COL4A2: variants seen among roughly 807,000 people sequenced by gnomAD.
COL4A2 encodes the protein collagen type IV alpha 2 chain, also known as collagen alpha-2(IV) chain.
COL4A2 carries 99 observed loss-of-function variants against 200.2 expected under a neutral mutation model. The observed-to-expected ratio is 0.49, with a 90% CI of 0.42 to 0.58. The LOEUF is 0.58. COL4A2 is among the 20% of genes least tolerant of loss of function. COL4A2 has a pLI of 0.00. For missense variants in COL4A2, 1,950 were observed against 2,314.1 expected (o/e 0.84, Z 3.23); for synonymous variants, 897 against 900.6 (o/e 1.00, Z 0.07).
rs1303216642 is a variant in COL4A2, at chr13:110,436,387, C to G, written c.825+20C>G. 2 of 1,604,550 alleles carry G rather than the reference C, an allele frequency of 1.2e-6. No homozygotes were observed. Among genetic ancestry groups the G allele is most frequent in the Non-Finnish European group, 1.7e-6 (2 of 1,175,142 alleles). On this transcript the variant is annotated intron_variant, in intron 13 of 47. Transcript: ENST00000360467. ...TACAAGGTAAAGAGCAAAATTGACT[C>G]TTTTCATAGTTGAAATAAAAAAAGG...
At chr13:110,381,172 C>T (rs1878474563) in intron 4 of COL4A2, among the ~76,000 whole-genome samples, 1 of 151,726 alleles carries the variant, frequency 6.6e-6, no homozygotes, top group African/African-American at 2.4e-5. Flanking sequence ...TCCACGGGCT[C>T]TATCTCACAT....
At chr13:110,375,055 A>G (rs544441628) in intron 4 of COL4A2, among the ~76,000 whole-genome samples, 6 of 152,324 alleles carry the variant, frequency 3.9e-5, no homozygotes, top group Non-Finnish European at 8.8e-5. Context: ...AATAAGGCAC[A>G]TAGAAGACAT....
Position 110,504,388 on chromosome 13 carries a change from C to T in COL4A2, c.4402+124C>T. The T allele has an allele frequency of 5.5e-6, 4 of 728,176 alleles. No individual in the cohort carries two copies. The South Asian group carries it at 6.7e-5, about 12-fold the overall frequency. 45.1% of individuals were successfully genotyped at this position (728,176 alleles called of 1,614,324 possible). A position where few individuals can be genotyped will look rare whatever the true frequency, so the allele number is the denominator to read the frequency against. ...AGCCAGAAATGAGGCGCTGCCCCAC[C>T]CTCCTGCTCCTAATCTGGGCGTAGC... On this transcript the variant is annotated intron_variant, in intron 45 of 47. Coordinates refer to ENST00000360467, the MANE Select transcript of COL4A2 (RefSeq NM_001846.4).
chr13:110,381,244 C>T (rs1385838082), intron 4 of COL4A2, among the ~76,000 whole-genome samples: 1 of 151,344 alleles, frequency 6.6e-6, no homozygotes, highest in Non-Finnish European at 1.5e-5. Context: ...GTCTCACACC[C>T]ATGGGCTCTA....
Position 110,477,197 on chromosome 13 carries a change from A to G in COL4A2, c.2426-806A>G, listed in dbSNP as rs540159780. On this transcript the variant is annotated intron_variant, in intron 29 of 47. Transcript: ENST00000360467. Reference sequence around the variant, plus strand: ...AACCCTGTCTCCATTTAAAAAAGAAAGAAAGAAAGAAAAGATATGAGCAAA... The same window carrying G: ...AACCCTGTCTCCATTTAAAAAAGAAGGAAAGAAAGAAAAGATATGAGCAAA... 5.3e-5 allele frequency among the ~76,000 whole-genome samples: 8 copies of G among 152,346 alleles called. No homozygotes were observed. The East Asian group carries it at 1.2e-3, about 22-fold the overall frequency.
At chr13:110,371,489 A>G (rs1014907271) in intron 4 of COL4A2, among the ~76,000 whole-genome samples, 13 of 152,220 alleles carry the variant, frequency 8.5e-5, no homozygotes, top group African/African-American at 1.9e-4. Context: ...AGTGCTCAAC[A>G]TAGGATTTTA....
At chr13:110,449,656 T>C (rs1242366284) in intron 18 of COL4A2, 23 bp from the exon 19 acceptor site, 2 of 1,531,908 alleles carry the variant, frequency 1.3e-6, no homozygotes, top group East Asian at 4.9e-5. Flanking sequence ...TTGTTCTTAC[T>C]GTGGGACTTG....
chr13:110,394,785 A>G (rs1879128756), intron 4 of COL4A2, among the ~76,000 whole-genome samples: 1 of 152,152 alleles, frequency 6.6e-6, no homozygotes, highest in Non-Finnish European at 1.5e-5. Context: ...CATGTAATAC[A>G]TCAAAACATA....
At chr13:110,442,282 G>A (rs9521762) in intron 16 of COL4A2, among the ~76,000 whole-genome samples, 52,493 of 151,980 alleles carry the variant, frequency 0.35, 9,558 homozygotes, top group Non-Finnish European at 0.42. Context: ...AACAACTTGC[G>A]AAGATGCAGA....
At chr13:110,456,677 G>A in intron 20 of COL4A2, 1 of 441,948 alleles carries the variant, frequency 2.3e-6, no homozygotes, top group Non-Finnish European at 4.7e-6. Context: ...GGGAGGCTTG[G>A]CTGAAAGCCA....
chr13:110,370,311 TG>T (rs1877946828), intron 4 of COL4A2, among the ~76,000 whole-genome samples: 1 of 152,186 alleles, frequency 6.6e-6, no homozygotes, highest in African/African-American at 2.4e-5. Context: ...TCTCCCAGGC[TG>T]GAGTGCAATG....
chr13:110,343,322 A>G (rs1876546092), intron 3 of COL4A2, among the ~76,000 whole-genome samples: 1 of 152,160 alleles, frequency 6.6e-6, no homozygotes, highest in South Asian at 2.1e-4. Context: ...TGGCCCCAGG[A>G]GTAGGCGTCT....
In COL4A2 at chr13:110,398,277, A is replaced by G. The variant is rs542406229; in HGVS notation, c.181-26457A>G. ...ATAAAATACATGTTTATTATGAGGA[A>G]AACTCAACTGCCTATAGAAATGACA... On this transcript the variant is annotated intron_variant, in intron 4 of 47. Coordinates refer to ENST00000360467, the MANE Select transcript of COL4A2 (RefSeq NM_001846.4). Among the ~76,000 whole-genome samples the G allele has an allele frequency of 1.5e-3, 223 of 152,318 alleles. 1 individual carries two copies. The highest frequency in any genetic ancestry group is 5.1e-3 in the African/African-American group (213 of 41,574).
rs9515229 is a variant in COL4A2, at chr13:110,469,370, A to G, written c.2203+46A>G. 906,092 of 1,534,760 alleles carry G rather than the reference A, an allele frequency of 0.59. 273,067 individuals are homozygous for G. The highest frequency in any genetic ancestry group is 0.7 in the African/African-American group (51,137 of 72,670). On this transcript the variant is annotated intron_variant, in intron 28 of 47. Coordinates refer to ENST00000360467, the MANE Select transcript of COL4A2 (RefSeq NM_001846.4). ...CATTCAGCCCCTGGGTTCCAGCGGG[A>G]ACCTGTGTGTGATTCATAAGCATCC...
intron 3 of COL4A2, among the ~76,000 whole-genome samples, chr13:110,317,018 A>G (rs773199059): frequency 5.3e-5 from 8 of 151,950 alleles, no homozygotes; most frequent in Non-Finnish European, 1.2e-4. Flanking sequence ...ACACACACAG[A>G]CACACAGATG....
intron 4 of COL4A2, among the ~76,000 whole-genome samples, chr13:110,405,975 G>C (rs189822861): frequency 6.6e-6 from 1 of 152,200 alleles, no homozygotes; most frequent in Non-Finnish European, 1.5e-5. Context: ...GATGAATCCC[G>C]ATCGGGGGAA....
chr13:110,485,502 G>A (rs561395094), intron 33 of COL4A2, among the ~76,000 whole-genome samples, 153 bp from the exon 34 acceptor site: 9 of 139,356 alleles, frequency 6.5e-5, no homozygotes, highest in South Asian at 2.3e-4. Context: ...CAGCCTGGGC[G>A]ACAGAGCGAG....
Position 110,354,626 on chromosome 13 carries a change from G to GT in COL4A2, c.100-2834dup, listed in dbSNP as rs58713084. 3.1e-3 allele frequency among the ~76,000 whole-genome samples: 445 copies of GT among 144,316 alleles called. 3 individuals are homozygous for GT. Among genetic ancestry groups the GT allele is most frequent in the South Asian group, 9.0e-3 (41 of 4,540 alleles). 94.7% of individuals were successfully genotyped at this position (144,316 alleles called of 152,430 possible). A position where few individuals can be genotyped will look rare whatever the true frequency, so the allele number is the denominator to read the frequency against. ...GGTTTGGGACTTTCCACTTTTTGGA[G>GT]TTTTTTTTTTTTATAGTAGTAACTG... On this transcript the variant is annotated intron_variant, in intron 3 of 47. Transcript: ENST00000360467.
intron 3 of COL4A2, among the ~76,000 whole-genome samples, chr13:110,322,191 A>G (rs74126234): frequency 0.094 from 14,301 of 152,200 alleles, 2,203 homozygotes; most frequent in African/African-American, 0.32. Context: ...CAGATGAAGG[A>G]GCAGGGGGCA....
Sources: allele counts gnomAD v4.1 joint callset (sites outside exome capture counted in the v4.1 genomes callset), GRCh38; gene constraint gnomAD v4.1.1; transcripts MANE v1.5; gene names NCBI Gene and HGNC (gene_info 2026-07-23, HGNC 2026-07-21).